The following PHLDB1 variants were observed in gnomAD, a reference collection of about 807,000 sequenced individuals.
PHLDB1 encodes the protein pleckstrin homology like domain family B member 1, also known as pleckstrin homology-like domain family B member 1.
PHLDB1 carries 65 observed loss-of-function variants against 139.3 expected under a neutral mutation model. The observed-to-expected ratio is 0.47, with a 90% CI of 0.38 to 0.57. The LOEUF (loss-of-function observed/expected upper bound fraction) is 0.57. PHLDB1 is among the 20% of genes least tolerant of loss of function. The probability of loss-of-function intolerance (pLI) is 0.00; values close to 1 mark genes in which losing one functional copy is unlikely to be tolerated. For missense variants in PHLDB1, 1,624 were observed against 1,839.7 expected, an observed-to-expected ratio of 0.88 and a Z score of 2.14; for synonymous variants, 679 against 734.5, an observed-to-expected ratio of 0.92 and a Z score of 1.22.
Position 118,631,980 on chromosome 11 carries a change from T to G in PHLDB1, c.2168T>G (p.Val723Gly), listed in dbSNP as rs782388116. The change falls in exon 8 of 23, where the codon GTG becomes GGG. Residue 723 changes from valine (V) to glycine (G), a missense_variant. Val to Gly is a moderately radical substitution (Grantham distance 109). Transcript: ENST00000600882. ...GCCCTGGAAGAAGAGCGGGCTCAGG[T>G]GCTGGGGCACGTGGAGCAGCTCAAG... is the stretch of plus-strand genomic sequence containing the variant. ...VLALEEERAQ[V>G]LGHVEQLKVR... 15 of 1,613,860 alleles carry G rather than the reference T, an allele frequency of 9.3e-6. No individual in the cohort carries two copies.
intron 22 of PHLDB1, 72 bp from the exon 23 acceptor site, chr11:118,656,611 T>C (rs1949106742): frequency 6.8e-7 from 1 of 1,481,068 alleles, no homozygotes; most frequent in East Asian, 2.3e-5. Context: ...AAAGGGCAGA[T>C]AGGGAGGCAG....
intron 2 of PHLDB1, among the ~76,000 whole-genome samples, 153 bp downstream of exon 2, chr11:118,614,049 T>C (rs1555086443): frequency 6.6e-6 from 1 of 152,170 alleles, no homozygotes; most frequent in African/African-American, 2.4e-5. Flanking sequence ...GCTCAGTCTT[T>C]ATCTGAATCA....
intron 15 of PHLDB1, chr11:118,644,861 T>G (rs10790255): frequency 0.27 from 78,225 of 293,578 alleles, 11,113 homozygotes; most frequent in South Asian, 0.37. Flanking sequence ...TCTGCCCTCA[T>G]CTGTGCTCTA....
chr11:118,639,658 A>G (rs936511111), intron 12 of PHLDB1: 22 of 234,850 alleles, frequency 9.4e-5, no homozygotes, highest in African/African-American at 4.9e-4. Flanking sequence ...TTGTCTCAGA[A>G]GAGGATATTG....
intron 12 of PHLDB1, chr11:118,641,811 C>G (rs1354806967): frequency 1.6e-6 from 2 of 1,276,602 alleles, no homozygotes; most frequent in Non-Finnish European, 1.0e-6. Flanking sequence ...TTCTTGCTAC[C>G]CCCACCCATG....
Position 118,610,453 on chromosome 11 carries a change from C to G in PHLDB1, c.-22+2754C>G. On this transcript the variant is annotated intron_variant, in intron 1 of 22. Coordinates refer to ENST00000600882, the MANE Select transcript of PHLDB1 (RefSeq NM_001144758.3). This position sits in a 1 kb window ranked among gnomAD's most constrained non-coding sequence, Gnocchi z 8.7. Reference sequence around the variant, plus strand: ...AAGGCGGCGGCCGAGAGGACCCCAGCTCGGCCTGGCGGGCCTCTGGCCACA... The same window carrying G: ...AAGGCGGCGGCCGAGAGGACCCCAGGTCGGCCTGGCGGGCCTCTGGCCACA... 1 of 985,182 alleles carries G rather than the reference C, an allele frequency of 1.0e-6. No homozygotes were observed. 61.0% of individuals were successfully genotyped at this position (985,182 alleles called of 1,614,324 possible).
At position 118,655,670 on chromosome 11, in the gene PHLDB1, C is replaced by T; in HGVS notation, c.3940C>T (p.His1314Tyr). ...GGCCATTGAGGAAGTGTACTACGAC[C>T]ACCTGCGCAGTGCAGCCAAGGTCAG... ...FQAIEEVYYD[H>Y]LRSAAKKRFF... Residue 1314 changes from histidine (H) to tyrosine (Y), a missense_variant, in exon 21 of 23, where the codon CAC becomes TAC. Physicochemically the swap from His to Tyr is moderately conservative, Grantham distance 83. Coordinates refer to ENST00000600882, the MANE Select transcript of PHLDB1 (RefSeq NM_001144758.3). The T allele has an allele frequency of 1.9e-6, 3 of 1,612,274 alleles. No individual in the cohort carries two copies. Among genetic ancestry groups the T allele is most frequent in the Non-Finnish European group, 2.5e-6 (3 of 1,178,424 alleles).
chr11:118,643,779 G>A (rs1227212644), intron 13 of PHLDB1, 21 bp from the exon 14 acceptor site: 11 of 1,613,940 alleles, frequency 6.8e-6, no homozygotes, highest in Admixed American at 1.7e-5. Flanking sequence ...GGAATCACTG[G>A]GCACTATCTT....
chr11:118,621,007 T>C (rs1489480713), intron 4 of PHLDB1, among the ~76,000 whole-genome samples: 1 of 152,142 alleles, frequency 6.6e-6, no homozygotes, highest in Non-Finnish European at 1.5e-5. Context: ...AGGGTGTGAC[T>C]GGCCCAAGGT....
chr11:118,642,950 C>T (rs766367768), intron 13 of PHLDB1, among the ~76,000 whole-genome samples: 1 of 152,220 alleles, frequency 6.6e-6, no homozygotes, highest in Non-Finnish European at 1.5e-5. Flanking sequence ...AAGCAACTGA[C>T]CATGGGGTGG....
At chr11:118,634,196 G>C (rs1377891134) in intron 9 of PHLDB1, 1 of 151,906 alleles carries the variant, frequency 6.6e-6, no homozygotes, top group Non-Finnish European at 1.5e-5. Flanking sequence ...CACCCCCTCT[G>C]TACCCACTCC....
intron 3 of PHLDB1, 94 bp from the exon 4 acceptor site, chr11:118,615,947 G>A: frequency 3.0e-6 from 3 of 1,014,650 alleles, no homozygotes; most frequent in East Asian, 2.4e-5. Context: ...TGGAGTAGGA[G>A]GTGGAAATAT....
chr11:118,642,900 G>C (rs573290140), intron 13 of PHLDB1, among the ~76,000 whole-genome samples: 158 of 152,358 alleles, frequency 1.0e-3, no homozygotes, highest in Non-Finnish European at 1.7e-3. Flanking sequence ...AGCCTCCTCA[G>C]AGTTGCCATG....
chr11:118,629,917 C>A, intron 6 of PHLDB1: 3 of 928,766 alleles, frequency 3.2e-6, no homozygotes, highest in Non-Finnish European at 4.4e-6. Flanking sequence ...CACTTTAAGT[C>A]TTGGAGGCTG....
Position 118,614,708 on chromosome 11 carries a change from C to T in PHLDB1, c.184+26C>T, listed in dbSNP as rs1411084776. ...GTAAGTGTGAACAGGGCATCTCACT[C>T]ACCACCCCTCTATCCTTATAGGCAT... On this transcript the variant is annotated intron_variant, in intron 3 of 22. Transcript: ENST00000600882. 5 of 1,610,846 alleles carry T rather than the reference C, an allele frequency of 3.1e-6. No homozygotes were observed. In the African/African-American group the frequency reaches 6.7e-5, roughly 22 times the overall value.
At chr11:118,617,675 G>T (rs149001112) in intron 4 of PHLDB1, among the ~76,000 whole-genome samples, 2 of 151,896 alleles carry the variant, frequency 1.3e-5, no homozygotes, top group African/African-American at 2.4e-5. Flanking sequence ...CCTCGGGTAG[G>T]GGGCAGGGCA....
At chr11:118,655,572 C>T (rs552204121) in intron 20 of PHLDB1, 33 bp from the exon 21 acceptor site, 35 of 1,407,756 alleles carry the variant, frequency 2.5e-5, no homozygotes, top group South Asian at 3.5e-5. Flanking sequence ...GAAGTGTGAC[C>T]GGCTCCATAG....
intron 9 of PHLDB1, chr11:118,634,504 A>C (rs1199237794): frequency 1.3e-5 from 2 of 153,932 alleles, no homozygotes; most frequent in African/African-American, 4.8e-5. Flanking sequence ...ACCAGCCTTG[A>C]CTGGTTTGGA....
intron 4 of PHLDB1, 130 bp downstream of exon 4, chr11:118,616,341 A>G (rs902309341): frequency 8.0e-6 from 6 of 752,738 alleles, no homozygotes; most frequent in Non-Finnish European, 1.3e-5. Flanking sequence ...TGGAGTACTC[A>G]GGTGCATCTG....
Sources: gnomAD v4.1 joint callset for allele counts (sites outside exome capture counted in the v4.1 genomes callset) on GRCh38, gnomAD v4.1.1 for gene constraint, Gnocchi (gnomAD v3.1) non-coding constraint, MANE v1.5 for transcripts, NCBI Gene and HGNC (gene_info 2026-07-23, HGNC 2026-07-21) for gene names.